The following DIDO1 variants were observed in gnomAD, a reference collection of about 807,000 sequenced individuals.
The protein encoded by DIDO1 is death-inducer obliterator 1.
In DIDO1, 16 loss-of-function variants were observed where a neutral mutation model predicts 99.4. The observed-to-expected ratio is 0.16, with a 90% confidence interval of 0.11 to 0.24. The LOEUF (loss-of-function observed/expected upper bound fraction) is 0.24. Ranked by LOEUF, DIDO1 falls within the 10% of genes least tolerant of loss-of-function variation. The pLI, the probability that DIDO1 is intolerant of heterozygous loss-of-function variation, is 1.00. For synonymous variants in DIDO1, 1,366 were observed against 1,239.1 expected (o/e 1.10, Z -2.15); for missense variants, 2,996 against 3,014.0 (o/e 0.99, Z 0.14).
At position 62,907,343 on chromosome 20, in the gene DIDO1, C is replaced by T. The variant is rs1600986915; in HGVS notation, c.1178G>A (p.Gly393Asp). The T allele has an allele frequency of 1.9e-6, 3 of 1,614,020 alleles. No individual in the cohort carries two copies. The highest frequency in any genetic ancestry group is 2.2e-5 in the South Asian group (2 of 91,078). The change falls in exon 5 of 16, where the codon GGT becomes GAT. Residue 393 changes from glycine to aspartate, a missense_variant. This residue lies in a region of DIDO1 where 898 missense variants were observed against 972.7 expected (regional missense o/e 0.92). Transcript: ENST00000395343. The part of the protein sequence containing the change: ...KIFQPVIEAP[G>D]ASKCIGPGCC... ...CCCGGGGCCAATACATTTTGAGGCA[C>T]CAGGCGCCTCTATCACCTGCAGAAC...
intron 15 of DIDO1, among the ~76,000 whole-genome samples, chr20:62,886,290 C>T (rs554856808): frequency 1.3e-5 from 2 of 152,366 alleles, no homozygotes; most frequent in Non-Finnish European, 2.9e-5. Context: ...GATGTTCCCC[C>T]AACGCCCTCT....
Position 62,911,162 on chromosome 20 carries a change from T to G in DIDO1, c.451A>C (p.Thr151Pro), listed in dbSNP as rs999734458. Residue 151 changes from threonine (T) to proline (P), a missense_variant, in exon 3 of 16, where the codon ACC becomes CCC. Transcript: ENST00000395343. The surrounding 1 kb of genome is among the most constrained non-coding windows in gnomAD (Gnocchi z 7.0). The stretch of plus-strand genomic sequence containing the variant: ...AGGCCATCGCTGTCACTATCGGAGG[T>G]GTCATCGTGGTCATCCCCTCCTTTC... ...KVKGGDDHDD[T>P]SDSDSDGLTL... 1.5e-5 allele frequency: 25 copies of G among 1,613,858 alleles called. No homozygotes were observed. Among genetic ancestry groups the G allele is most frequent in the Non-Finnish European group, 2.1e-5 (25 of 1,180,024 alleles).
At chr20:62,922,139 TACAC>T (rs139183167) in intron 1 of DIDO1, among the ~76,000 whole-genome samples, 42 of 146,474 alleles carry the variant, frequency 2.9e-4, no homozygotes, top group South Asian at 8.6e-4. Flanking sequence ...TATACATATA[TACAC>T]ACACACACAC....
At chr20:62,900,547 A>C (rs1366005619) in intron 6 of DIDO1, among the ~76,000 whole-genome samples, 1 of 152,234 alleles carries the variant, frequency 6.6e-6, no homozygotes, top group East Asian at 1.9e-4. Flanking sequence ...AAGTTTTAGC[A>C]GGACAGGGAT....
chr20:62,904,527 TC>T (rs1192010073), intron 6 of DIDO1, among the ~76,000 whole-genome samples: 1 of 152,052 alleles, frequency 6.6e-6, no homozygotes, highest in African/African-American at 2.4e-5. Context: ...CATCTGCAAT[TC>T]CAGCACTCTG....
chr20:62,928,034 G>A (rs2065282789), upstream of DIDO1, among the ~76,000 whole-genome samples: 2 of 152,184 alleles, frequency 1.3e-5, no homozygotes, highest in South Asian at 4.1e-4. Flanking sequence ...TGAGGCCCAG[G>A]TGAAGACCAC....
intron 1 of DIDO1, among the ~76,000 whole-genome samples, chr20:62,926,231 G>T (rs1163463709): frequency 6.7e-6 from 1 of 148,342 alleles, no homozygotes; most frequent in Non-Finnish European, 1.5e-5. Flanking sequence ...CCCAGGCCGC[G>T]GCGGCTCTGA....
At chr20:62,937,018 T>A (rs964050258) in intron 1 of DIDO1, among the ~76,000 whole-genome samples, 20 of 152,256 alleles carry the variant, frequency 1.3e-4, no homozygotes, top group Non-Finnish European at 2.9e-4. Context: ...ACGGAAAATG[T>A]CCAAAATCAG....
At chr20:62,935,373 A>C (rs2065372085) in intron 1 of DIDO1, among the ~76,000 whole-genome samples, 1 of 152,228 alleles carries the variant, frequency 6.6e-6, no homozygotes, top group South Asian at 2.1e-4. Flanking sequence ...AGCCATAATC[A>C]ACTCACATGA....
At position 62,880,352 on chromosome 20, in the gene DIDO1, G is replaced by C. The variant is rs1267736105; in HGVS notation, c.5604C>G (p.Ala1868=). 1.9e-6 allele frequency: 3 copies of C among 1,612,726 alleles called. No homozygotes were observed. Among genetic ancestry groups the C allele is most frequent in the Non-Finnish European group, 2.5e-6 (3 of 1,180,012 alleles). Residue 1868 remains alanine, a synonymous_variant, in exon 16 of 16, where the codon GCC becomes GCG. Transcript: ENST00000395343. ...APYNEVTGAP[A]QFEGTEQAPF... ...GGGCTTGCTCTGTCCCTTCAAACTG[G>C]GCGGGGGCGCCCGTCACCTCGTTAT...
At chr20:62,905,265 C>T in intron 6 of DIDO1, 1 of 1,353,122 alleles carries the variant, frequency 7.4e-7, no homozygotes, top group Non-Finnish European at 9.5e-7. Flanking sequence ...ACCGTGGGGC[C>T]TATGAAGCAG....
intron 1 of DIDO1, among the ~76,000 whole-genome samples, chr20:62,922,585 C>T (rs1355229834): frequency 2.0e-5 from 3 of 152,164 alleles, no homozygotes; most frequent in Non-Finnish European, 4.4e-5. Context: ...CATCTAAGGC[C>T]TGCACTTTCC....
Position 62,892,093 on chromosome 20 carries a change from T to C in DIDO1, c.3256-17A>G, listed in dbSNP as rs866805409. 2 of 1,606,718 alleles carry C rather than the reference T, an allele frequency of 1.2e-6. No individual in the cohort carries two copies. Among genetic ancestry groups the C allele is most frequent in the Middle Eastern group, 1.7e-4 (1 of 6,044 alleles). On this transcript the variant is annotated splice_polypyrimidine_tract_variant and intron_variant, in intron 13 of 15. Coordinates refer to ENST00000395343, the MANE Select transcript of DIDO1 (RefSeq NM_001193369.2). ...AGGCAAATCCTAAACAGAAAGTACTTTGCGTAAATCACTTTGAACTGTAGT... is the reference window on the plus strand; with the variant it reads ...AGGCAAATCCTAAACAGAAAGTACTCTGCGTAAATCACTTTGAACTGTAGT...
chr20:62,899,446 GA>G (rs1487582772), intron 6 of DIDO1, among the ~76,000 whole-genome samples: 1 of 152,176 alleles, frequency 6.6e-6, no homozygotes, highest in African/African-American at 2.4e-5. Flanking sequence ...GTAAGTGTTG[GA>G]ATGAGGCGTC....
At chr20:62,898,994 A>T (rs1162005405) in intron 6 of DIDO1, among the ~76,000 whole-genome samples, 1 of 152,172 alleles carries the variant, frequency 6.6e-6, no homozygotes, top group Non-Finnish European at 1.5e-5. Flanking sequence ...AGGTTAAATA[A>T]AAATCAGTGG....
At position 62,880,769 on chromosome 20, in the gene DIDO1, G is replaced by A. The variant is rs774432740; in HGVS notation, c.5187C>T (p.Pro1729=). 3.9e-5 allele frequency: 63 copies of A among 1,612,016 alleles called. No individual in the cohort carries two copies. The highest frequency in any genetic ancestry group is 5.1e-5 in the Non-Finnish European group (60 of 1,179,754). ...GGGGGAGCGGGGCGGTGCCCTCGCC[G>A]GGTCTGGCCTGTGGCTCTCTGTCCC... ...TEGDREPQAR[P]GEGTAPLPPP... Residue 1729 remains proline, a synonymous_variant, in exon 16 of 16, where the codon CCC becomes CCT. Transcript: ENST00000395343.
chr20:62,901,817 GAAAAAA>G, intron 6 of DIDO1, among the ~76,000 whole-genome samples: 1 of 113,102 alleles, frequency 8.8e-6, no homozygotes, highest in African/African-American at 3.0e-5. Flanking sequence ...TGTGTTAACA[GAAAAAA>G]AAAAAAAAAA....
At chr20:62,906,869 C>T (rs1432566786) in intron 5 of DIDO1, among the ~76,000 whole-genome samples, 1 of 152,232 alleles carries the variant, frequency 6.6e-6, no homozygotes, top group Non-Finnish European at 1.5e-5. Flanking sequence ...GTTACCAACT[C>T]TTCTCACAAG....
At position 62,894,816 on chromosome 20, in the gene DIDO1, A is replaced by G; in HGVS notation, c.2430T>C (p.Asp810=). The change falls in exon 10 of 16, where the codon GAT becomes GAC. Residue 810 remains aspartate, a synonymous_variant. Coordinates refer to ENST00000395343, the MANE Select transcript of DIDO1 (RefSeq NM_001193369.2). This position sits in a 1 kb window ranked among gnomAD's most constrained non-coding sequence, Gnocchi z 4.4. ...PDLEDSPPVS[D]SEEQQESARA... Reference sequence around the variant, plus strand: ...AAATCTCCCAAATGCTTACCTCTGAATCCGACACTGGCGGAGAGTCCTCCA... The same window carrying G: ...AAATCTCCCAAATGCTTACCTCTGAGTCCGACACTGGCGGAGAGTCCTCCA... 6.2e-7 allele frequency: 1 copy of G among 1,612,486 alleles called. No homozygotes were observed. Among genetic ancestry groups the G allele is most frequent in the Non-Finnish European group, 8.5e-7 (1 of 1,179,570 alleles).
Sources: allele counts gnomAD v4.1 joint callset (sites outside exome capture counted in the v4.1 genomes callset), GRCh38; gene constraint gnomAD v4.1.1; regional missense constraint gnomAD v4.1.1; non-coding constraint Gnocchi (gnomAD v3.1); transcripts MANE v1.5; gene names NCBI Gene and HGNC (gene_info 2026-07-23, HGNC 2026-07-21).